Variants in RAPGEFL1 observed in about 807,000 individuals in gnomAD.
RAPGEFL1 encodes the protein rap guanine nucleotide exchange factor-like 1.
In RAPGEFL1, 31 loss-of-function variants were observed where a neutral mutation model predicts 64.4. The ratio of observed to expected loss-of-function variants is 0.48; its 90% CI spans 0.36 to 0.65. RAPGEFL1 has a LOEUF of 0.65. RAPGEFL1 is among the 30% of genes least tolerant of loss of function. RAPGEFL1 has a pLI of 0.00. For synonymous variants in RAPGEFL1, 331 were observed against 274.1 expected, an observed-to-expected ratio of 1.21 and a Z score of -2.05; for missense variants, 682 against 677.4, an observed-to-expected ratio of 1.01 and a Z score of -0.08.
intron 6 of RAPGEFL1, 116 bp from the exon 7 acceptor site, chr17:40,190,318 T>G (rs1990215307): frequency 1.3e-6 from 1 of 753,938 alleles, no homozygotes; most frequent in Non-Finnish European, 2.3e-6. Flanking sequence ...ATGAGTTCCA[T>G]TAGTCTAGAA....
chr17:40,177,200 G>C, upstream of RAPGEFL1: 1 of 702,634 alleles, frequency 1.4e-6, no homozygotes. Flanking sequence ...GGTGAGTGAA[G>C]GTGTCCAGGC....
chr17:40,187,873 A>G (rs1380483017), intron 4 of RAPGEFL1, among the ~76,000 whole-genome samples: 1 of 148,870 alleles, frequency 6.7e-6, no homozygotes, highest in Admixed American at 6.7e-5. Context: ...TTGGCCTCCC[A>G]AAGTGCTGAG....
In RAPGEFL1 at chr17:40,184,305, C is replaced by T. The variant is rs1989992364; in HGVS notation, c.691C>T (p.Gln231Ter). The T allele has an allele frequency of 6.2e-7, 1 of 1,613,634 alleles. No individual in the cohort carries two copies. The highest frequency in any genetic ancestry group is 1.3e-5 in the African/African-American group (1 of 74,880). The change falls in exon 3 of 15, where the codon CAG becomes TAG. Residue 231 changes from glutamine (Q) to a stop codon, truncating the protein, a stop_gained. Transcript: ENST00000620260. LOFTEE classifies it high-confidence loss of function. ...GCTTCTCCATTTCTTGGACACCTAC[C>T]AGGGGCTGCTTCAAGAGGAAGAGGG... ...AMLLHFLDTY[Q>*]GLLQEEEGAG...
chr17:40,178,135 G>A lies in RAPGEFL1; in HGVS notation c.274G>A (p.Ala92Thr). Residue 92 changes from alanine to threonine, a missense_variant, in exon 1 of 15, where the codon GCG (alanine) becomes ACG (threonine). Transcript: ENST00000620260. ...EEEGGEPAGV[A>T]EEPGSGGPCW... ...GGAAGGAGGAGAGCCGGCGGGGGTCGCGGAGGAGCCGGGCAGCGGGGGGCC... is the reference window on the plus strand; with the variant it reads ...GGAAGGAGGAGAGCCGGCGGGGGTCACGGAGGAGCCGGGCAGCGGGGGGCC... The A allele has an allele frequency of 5.4e-6, 3 of 556,224 alleles. No homozygotes were observed. The highest frequency in any genetic ancestry group is 6.4e-6 in the Non-Finnish European group (2 of 314,862). The allele number at this position is 556,224 out of a possible 1,614,324, so 34.5% of individuals were successfully genotyped here. A position where few individuals can be genotyped will look rare whatever the true frequency, so the allele number is the denominator to read the frequency against.
chr17:40,188,816 T>C (rs1456288018), intron 4 of RAPGEFL1, 50 bp from the exon 5 acceptor site: 2 of 1,450,354 alleles, frequency 1.4e-6, no homozygotes, highest in African/African-American at 2.8e-5. Context: ...TGGTGTTGGT[T>C]GTCCATATGC....
intron 14 of RAPGEFL1, 103 bp downstream of exon 14, chr17:40,193,520 T>C (rs987449468): frequency 2.5e-6 from 4 of 1,569,394 alleles, no homozygotes; most frequent in Admixed American, 3.4e-5. Flanking sequence ...ATACACTTGC[T>C]GGTTCCCCAT....
intron 6 of RAPGEFL1, among the ~76,000 whole-genome samples, chr17:40,190,137 G>C (rs1779667304): frequency 6.6e-6 from 1 of 152,190 alleles, no homozygotes; most frequent in South Asian, 2.1e-4. Context: ...CAATGTCACT[G>C]AAGCTTTGTT....
chr17:40,184,188 G>C, intron 2 of RAPGEFL1, 26 bp from the exon 3 acceptor site: 1 of 1,527,292 alleles, frequency 6.5e-7, no homozygotes, highest in South Asian at 1.1e-5. Context: ...TGCTTGCGTA[G>C]GGATTTTTCT....
At position 40,193,646 on chromosome 17, in the gene RAPGEFL1, T is replaced by C. The variant is rs202050374; in HGVS notation, c.1865-18T>C. On this transcript the variant is annotated intron_variant, in intron 14 of 14. Coordinates refer to ENST00000620260, the MANE Select transcript of RAPGEFL1 (RefSeq NM_016339.6). Reference sequence around the variant, plus strand: ...GGGAAGCTGGGAACCTGACTGCCTCTCCCTCTTTACCCACTAGGCCTGGAC... The same window carrying C: ...GGGAAGCTGGGAACCTGACTGCCTCCCCCTCTTTACCCACTAGGCCTGGAC... The C allele has an allele frequency of 4.7e-4, 765 of 1,614,016 alleles. 6 individuals carry two copies. In the African/African-American group the frequency reaches 9.3e-3, roughly 20 times the overall value.
intron 8 of RAPGEFL1, 41 bp downstream of exon 8, chr17:40,190,803 A>C (rs1379785471): frequency 6.2e-7 from 1 of 1,609,274 alleles, no homozygotes; most frequent in South Asian, 1.1e-5. Flanking sequence ...GGCTGGAGGG[A>C]GAAATGTGCC....
rs186889907 is a variant in RAPGEFL1, at chr17:40,195,218, G to A, written c.*1430G>A. 10 of 152,232 alleles carry A rather than the reference G, an allele frequency of 6.6e-5. No homozygotes were observed. The highest frequency in any genetic ancestry group is 6.5e-4 in the Admixed American group (10 of 15,268). 9.4% of individuals were successfully genotyped at this position (152,232 alleles called of 1,614,324 possible). A position where few individuals can be genotyped will look rare whatever the true frequency, so the allele number is the denominator to read the frequency against. ...ATGTGAACATTGTATCATAGGTAAT[G>A]TTGTACAGACCCTTTTATACAGTGA... On this transcript the variant is annotated 3_prime_UTR_variant, in exon 15 of 15. Coordinates refer to ENST00000620260, the MANE Select transcript of RAPGEFL1 (RefSeq NM_016339.6).
chr17:40,193,773 G>A lies in RAPGEFL1; in HGVS notation c.1974G>A (p.Glu658=). 1 of 1,614,050 alleles carries A rather than the reference G, an allele frequency of 6.2e-7. No homozygotes were observed. The highest frequency in any genetic ancestry group is 8.5e-7 in the Non-Finnish European group (1 of 1,180,004). ...TCTTCGAGCTCTCCTACAAGCTGGA[G>A]GCAAACAGTCAGTGAGAGTGGAGGC... ...NLLFELSYKL[E]ANSQ is the part of the protein sequence containing the mutation. The change falls in exon 15 of 15, where the codon GAG becomes GAA. Residue 658 remains glutamate, a synonymous_variant. Transcript: ENST00000620260.
At position 40,193,728 on chromosome 17, in the gene RAPGEFL1, C is replaced by T; in HGVS notation, c.1929C>T (p.Val643=). 6.2e-7 allele frequency: 1 copy of T among 1,614,112 alleles called. No homozygotes were observed. The highest frequency in any genetic ancestry group is 8.5e-7 in the Non-Finnish European group (1 of 1,180,030). The change falls in exon 15 of 15, where the codon GTC becomes GTT. Residue 643 remains valine (V), a synonymous_variant. Coordinates refer to ENST00000620260, the MANE Select transcript of RAPGEFL1 (RefSeq NM_016339.6). ...AGGCCTATGTGCGCCAGTTTCAGGT[C>T]ATCGACAACCAGAACCTCCTCTTCG... The part of the protein sequence containing the change: ...QTKAYVRQFQ[V]IDNQNLLFEL...
rs539436229 is a variant in RAPGEFL1 at position 40,189,248 on chromosome 17, C to T, written c.987C>T (p.Thr329=). ...ACATGCCTGACCACTCTTATGTGAC[C>T]ATACGCAGCCGCCTTTCAGCATCTG... ...RVYMPDHSYV[T]IRSRLSASVQ... is the part of the protein sequence containing the mutation. Residue 329 remains threonine, a synonymous_variant, in exon 6 of 15, where the codon ACC becomes ACT. Coordinates refer to ENST00000620260, the MANE Select transcript of RAPGEFL1 (RefSeq NM_016339.6). The T allele has an allele frequency of 1.9e-6, 3 of 1,614,156 alleles. No individual in the cohort carries two copies. The highest frequency in any genetic ancestry group is 1.7e-5 in the Admixed American group (1 of 60,018).
Position 40,190,495 on chromosome 17 carries a change from C to T in RAPGEFL1, c.1176C>T (p.His392=), listed in dbSNP as rs143000460. 1 of 1,614,160 alleles carries T rather than the reference C, an allele frequency of 6.2e-7. No individual in the cohort carries two copies. The highest frequency in any genetic ancestry group is 8.5e-7 in the Non-Finnish European group (1 of 1,180,036). The part of the protein sequence containing the change: ...CVFTALGINS[H]LFACTRDSYE... Reference sequence around the variant, plus strand: ...TCACCGCACTGGGCATCAACAGCCACCTGTTTGCCTGTACTCGGGACAGCT... The same window carrying T: ...TCACCGCACTGGGCATCAACAGCCATCTGTTTGCCTGTACTCGGGACAGCT... The change falls in exon 7 of 15, where the codon CAC becomes CAT. Residue 392 remains histidine (H), a synonymous_variant. Transcript: ENST00000620260.
Position 40,190,669 on chromosome 17 carries a change from C to G in RAPGEFL1, c.1242C>G (p.Ser414=), listed in dbSNP as rs267604845. 1.2e-6 allele frequency: 2 copies of G among 1,614,178 alleles called. No homozygotes were observed. Among genetic ancestry groups the G allele is most frequent in the African/African-American group, 2.7e-5 (2 of 75,044 alleles). ...CCCTCCCCGAGGAGATCCAGGTCTC[C>G]CCTGGAGACACAGAGATCCACCGAG... ...LVPLPEEIQV[S]PGDTEIHRVE... Residue 414 remains serine, a synonymous_variant, in exon 8 of 15, where the codon TCC becomes TCG. Transcript: ENST00000620260.
intron 14 of RAPGEFL1, 107 bp from the exon 15 acceptor site, chr17:40,193,557 C>G (rs1567698004): frequency 1.3e-6 from 2 of 1,587,060 alleles, no homozygotes; most frequent in Non-Finnish European, 1.7e-6. Flanking sequence ...CAGAGGCCTT[C>G]CTGCCCAACA....
chr17:40,177,594 C>T lies in RAPGEFL1; in HGVS notation c.-268C>T, dbSNP rs1318784771. 1.3e-5 allele frequency: 5 copies of T among 391,718 alleles called. No individual in the cohort carries two copies. The highest frequency in any genetic ancestry group is 9.3e-5 in the Admixed American group (2 of 21,478). The allele number at this position is 391,718 out of a possible 1,614,324, so 24.3% of individuals were successfully genotyped here. A position where few individuals can be genotyped will look rare whatever the true frequency, so the allele number is the denominator to read the frequency against. On this transcript the variant is annotated 5_prime_UTR_variant, in exon 1 of 15. Coordinates refer to ENST00000620260, the MANE Select transcript of RAPGEFL1 (RefSeq NM_016339.6). ...AGAGCCGGGCGCACCGGCCCCGCAG[C>T]CTGCCCACTCTTCGGGCCGCGTGCC...
Position 40,193,701 on chromosome 17 carries a change from C to T in RAPGEFL1, c.1902C>T (p.Thr634=). Residue 634 remains threonine (T), a synonymous_variant, in exon 15 of 15, where the codon ACC becomes ACT. Transcript: ENST00000620260. ...AGGCATCCCCCAATCACCTGCAGACCAAGGCCTATGTGCGCCAGTTTCAGG... is the reference window on the plus strand; with the variant it reads ...AGGCATCCCCCAATCACCTGCAGACTAAGGCCTATGTGCGCCAGTTTCAGG... ...DMEASPNHLQ[T]KAYVRQFQVI... 6.2e-7 allele frequency: 1 copy of T among 1,614,072 alleles called. No homozygotes were observed. The highest frequency in any genetic ancestry group is 8.5e-7 in the Non-Finnish European group (1 of 1,180,010).
Sources: gnomAD v4.1 joint callset for allele counts (sites outside exome capture counted in the v4.1 genomes callset) on GRCh38, gnomAD v4.1.1 for gene constraint, MANE v1.5 for transcripts, NCBI Gene and HGNC (gene_info 2026-07-23, HGNC 2026-07-21) for gene names.